AP3B1: variants seen among roughly 807,000 people sequenced by gnomAD.
AP3B1 encodes AP-3 complex subunit beta-1.
In AP3B1, 61 loss-of-function variants were observed where a neutral mutation model predicts 132.5. That is an observed-to-expected ratio of 0.46 (90% CI 0.37 to 0.57). The LOEUF is 0.57. Among genes scored for constraint, AP3B1 ranks in the 20% least tolerant of loss-of-function variants. The probability of loss-of-function intolerance (pLI) is 0.00; values close to 1 mark genes in which losing one functional copy is unlikely to be tolerated. For synonymous variants in AP3B1, 388 were observed against 438.3 expected, an observed-to-expected ratio of 0.89 and a Z score of 1.43; for missense variants, 1,120 against 1,289.4, an observed-to-expected ratio of 0.87 and a Z score of 2.01.
rs5868903 is a variant in AP3B1 at position 78,144,829 on chromosome 5, T to TTTGTTGTTGTTGTTG, written c.1474-3525_1474-3511dup. 2.0e-3 allele frequency among the ~76,000 whole-genome samples: 278 copies of TTTGTTGTTGTTGTTG among 140,750 alleles called. 1 individual carries two copies. Among genetic ancestry groups the TTTGTTGTTGTTGTTG allele is most frequent in the African/African-American group, 6.3e-3 (254 of 40,568 alleles). 92.3% of individuals were successfully genotyped at this position (140,750 alleles called of 152,430 possible). A position where few individuals can be genotyped will look rare whatever the true frequency, so the allele number is the denominator to read the frequency against. On this transcript the variant is annotated intron_variant, in intron 14 of 26. Transcript: ENST00000255194. The stretch of plus-strand genomic sequence containing the variant: ...GCAATCCACAGGTAGTATGGGTTGT[T>TTTGTTGTTGTTGTTG]TTGTTGTTGTTGTTGTTTTTTAAAG...
intron 1 of AP3B1, among the ~76,000 whole-genome samples, chr5:78,277,661 G>A (rs1011141407): frequency 2.0e-5 from 3 of 151,600 alleles, no homozygotes; most frequent in Non-Finnish European, 4.4e-5. Context: ...ATCTATGAAG[G>A]GCCTCTAAAG....
intron 7 of AP3B1, among the ~76,000 whole-genome samples, chr5:78,215,427 A>G (rs1745920332): frequency 6.6e-6 from 1 of 152,154 alleles, no homozygotes; most frequent in Non-Finnish European, 1.5e-5. Flanking sequence ...GATGAAAAGA[A>G]TAAGGCATAC....
chr5:78,197,129 C>G (rs959196464), intron 7 of AP3B1, among the ~76,000 whole-genome samples: 2 of 152,132 alleles, frequency 1.3e-5, no homozygotes, highest in African/African-American at 4.8e-5. Context: ...GAAATCCCTG[C>G]ACCTTCAACT....
chr5:78,018,701 C>CACAA (rs1561356231), intron 25 of AP3B1, among the ~76,000 whole-genome samples: 1 of 150,170 alleles, frequency 6.7e-6, no homozygotes, highest in East Asian at 1.9e-4. Flanking sequence ...CACACACACA[C>CACAA]CCCTTAAATT....
At chr5:78,271,571 T>C (rs1748547485) in intron 1 of AP3B1, among the ~76,000 whole-genome samples, 1 of 152,242 alleles carries the variant, frequency 6.6e-6, no homozygotes, top group South Asian at 2.1e-4. Context: ...TTACCTTTAA[T>C]TTAAAATGTC....
intron 26 of AP3B1, among the ~76,000 whole-genome samples, chr5:78,012,421 C>A (rs1207014825): frequency 6.6e-6 from 1 of 151,920 alleles, no homozygotes; most frequent in African/African-American, 2.4e-5. Flanking sequence ...AAAAGTGTTA[C>A]ATACACAGGA....
intron 25 of AP3B1, among the ~76,000 whole-genome samples, chr5:78,018,661 A>C (rs924941410): frequency 6.9e-6 from 1 of 143,966 alleles, no homozygotes; most frequent in African/African-American, 2.7e-5. Flanking sequence ...AAATCGGTTA[A>C]AGCTGGTGTA....
intron 18 of AP3B1, among the ~76,000 whole-genome samples, chr5:78,115,209 G>A (rs1269382456): frequency 6.6e-6 from 1 of 152,140 alleles, no homozygotes; most frequent in Non-Finnish European, 1.5e-5. Context: ...AGAAATTACA[G>A]GTAATGTATC....
chr5:78,242,254 C>G (rs1747168470), intron 2 of AP3B1, among the ~76,000 whole-genome samples: 1 of 152,172 alleles, frequency 6.6e-6, no homozygotes, highest in Admixed American at 6.5e-5. Context: ...CTAGAATATT[C>G]TCTGGCTGCC....
chr5:78,169,758 T>C (rs181902904), intron 11 of AP3B1, among the ~76,000 whole-genome samples: 1 of 151,708 alleles, frequency 6.6e-6, no homozygotes, highest in Non-Finnish European at 1.5e-5. Context: ...TATTTATTTA[T>C]TTATTTATAT....
chr5:78,275,839 T>A (rs28701547), intron 1 of AP3B1, among the ~76,000 whole-genome samples: 1 of 151,972 alleles, frequency 6.6e-6, no homozygotes, highest in African/African-American at 2.4e-5. Flanking sequence ...TCAATAAAGG[T>A]GTAAAAAATT....
chr5:78,016,629 A>G (rs113939333), intron 25 of AP3B1, among the ~76,000 whole-genome samples: 201 of 152,236 alleles, frequency 1.3e-3, no homozygotes, highest in African/African-American at 1.9e-3. Flanking sequence ...ATTGCAAATG[A>G]AAACTAAAAT....
In AP3B1 at chr5:78,241,051, TACCTC is replaced by T. The variant is rs1289358027; in HGVS notation, c.205-120_205-116del. The T allele has an allele frequency of 4.2e-6, 3 of 715,580 alleles. No individual in the cohort carries two copies. In the African/African-American group the frequency reaches 5.4e-5, roughly 13 times the overall value. The allele number at this position is 715,580 out of a possible 1,614,324, so 44.3% of individuals were successfully genotyped here. On this transcript the variant is annotated intron_variant, in intron 2 of 26. Transcript: ENST00000255194. ...CCGCTGAACTCTTTTTGAATCATCTTACCTCAACTATTTACAGCAAATAATAAACA... is the reference window on the plus strand; with the variant it reads ...CCGCTGAACTCTTTTTGAATCATCTTAACTATTTACAGCAAATAATAAACA...
Position 78,177,411 on chromosome 5 carries a change from T to C in AP3B1, c.968A>G (p.Tyr323Cys), listed in dbSNP as rs375726084. The C allele has an allele frequency of 1.9e-6, 3 of 1,613,938 alleles. No individual in the cohort carries two copies. Among genetic ancestry groups the C allele is most frequent in the South Asian group, 1.1e-5 (1 of 91,084 alleles). ...AAVVMAVAQLYWHISPKSEAG... is the reference protein window; with the variant it reads ...AAVVMAVAQLCWHISPKSEAG... ...TTCAGATTTTGGTGATATGTGCCAA[T>C]ACAGCTGAGCAACTGCCATAACCAC... Residue 323 changes from tyrosine (Y) to cysteine (C), a missense_variant, in exon 9 of 27, where the codon TAT becomes TGT. Tyr to Cys is a radical substitution (Grantham distance 194, BLOSUM62 -2). This residue lies in a region of AP3B1 where 906 missense variants were observed against 997.1 expected (regional missense o/e 0.91). Coordinates refer to ENST00000255194, the MANE Select transcript of AP3B1 (RefSeq NM_003664.5).
chr5:78,077,423 C>T (rs1749809881), intron 22 of AP3B1, among the ~76,000 whole-genome samples: 1 of 152,162 alleles, frequency 6.6e-6, no homozygotes, highest in South Asian at 2.1e-4. Flanking sequence ...GTGCCTCCAA[C>T]CTCCTTCAGC....
intron 2 of AP3B1, among the ~76,000 whole-genome samples, chr5:78,249,573 CTTTT>C (rs1215532076): frequency 5.2e-5 from 7 of 135,730 alleles, no homozygotes; most frequent in Admixed American, 1.5e-4. Flanking sequence ...TGATTTTTTT[CTTTT>C]TCTTTTTTTT....
At chr5:78,068,237 C>T (rs555878895) in intron 22 of AP3B1, among the ~76,000 whole-genome samples, 82 of 152,242 alleles carry the variant, frequency 5.4e-4, no homozygotes, top group African/African-American at 1.9e-3. Context: ...GCAAGAGAAT[C>T]GCTTGAACCC....
chr5:78,126,441 C>A (rs1580381679), intron 17 of AP3B1, among the ~76,000 whole-genome samples: 1 of 134,376 alleles, frequency 7.4e-6, no homozygotes, highest in Admixed American at 8.7e-5. Flanking sequence ...GGAGGCAGAG[C>A]TTGCAATGAG....
At chr5:78,031,600 G>A (rs1329462646) in intron 24 of AP3B1, among the ~76,000 whole-genome samples, 1 of 152,162 alleles carries the variant, frequency 6.6e-6, no homozygotes, top group Non-Finnish European at 1.5e-5. Flanking sequence ...TAAGATTGGG[G>A]AACTAAGGGG....
Sources: allele counts gnomAD v4.1 joint callset (sites outside exome capture counted in the v4.1 genomes callset), GRCh38; gene constraint gnomAD v4.1.1; regional missense constraint gnomAD v4.1.1; transcripts MANE v1.5; gene names NCBI Gene and HGNC (gene_info 2026-07-23, HGNC 2026-07-21).